The following EYS variants were observed in gnomAD, a reference collection of about 807,000 sequenced individuals.
The protein encoded by EYS is protein eyes shut homolog.
A neutral mutation model predicts 282.1 loss-of-function variants in EYS; 250 were observed. The observed-to-expected ratio is 0.89, with a 90% confidence interval of 0.80 to 0.98. EYS has a LOEUF of 0.98. Ranked by LOEUF, EYS falls within the 50% of genes least tolerant of loss-of-function variation. The probability of loss-of-function intolerance (pLI) is 0.00; values close to 1 mark genes in which losing one functional copy is unlikely to be tolerated. For missense variants in EYS, 4,016 were observed against 3,709.0 expected (o/e 1.08, Z -2.15); for synonymous variants, 1,355 against 1,282.9 (o/e 1.06, Z -1.20).
intron 29 of EYS, among the ~76,000 whole-genome samples, chr6:64,318,028 G>A (rs1256706074): frequency 1.4e-5 from 2 of 142,990 alleles, no homozygotes; most frequent in Non-Finnish European, 2.9e-5. Flanking sequence ...GGGCTTGTCA[G>A]GGGGTGGGGG....
intron 22 of EYS, among the ~76,000 whole-genome samples, chr6:64,766,649 A>AAAAAAAT (rs1387919586): frequency 1.6e-4 from 3 of 19,064 alleles, no homozygotes; most frequent in African/African-American, 5.5e-4. Context: ...AAAAAAAAAA[A>AAAAAAAT]ATATATATAT....
intron 12 of EYS, among the ~76,000 whole-genome samples, chr6:65,210,806 G>C (rs1470658090): frequency 6.6e-6 from 1 of 151,814 alleles, no homozygotes; most frequent in Non-Finnish European, 1.5e-5. Flanking sequence ...AAATTTCTCA[G>C]TGTTAAGTTT....
intron 2 of EYS, among the ~76,000 whole-genome samples, chr6:65,523,863 T>G (rs189311838): frequency 2.0e-5 from 3 of 152,206 alleles, no homozygotes; most frequent in African/African-American, 7.2e-5. Flanking sequence ...ACAGCCAACG[T>G]GGAATAAAAG....
intron 12 of EYS, among the ~76,000 whole-genome samples, chr6:65,285,301 G>A (rs1489069550): frequency 6.6e-6 from 1 of 151,718 alleles, no homozygotes; most frequent in Non-Finnish European, 1.5e-5. Flanking sequence ...TATTTTCCAT[G>A]GAATTTAAAT....
intron 2 of EYS, among the ~76,000 whole-genome samples, chr6:65,614,699 T>C (rs1766122818): frequency 6.6e-6 from 1 of 151,908 alleles, no homozygotes. Context: ...GTTGCATCAA[T>C]TACAGCAAAT....
intron 26 of EYS, among the ~76,000 whole-genome samples, chr6:64,566,291 C>A (rs901703506): frequency 6.6e-6 from 1 of 152,098 alleles, no homozygotes; most frequent in African/African-American, 2.4e-5. Context: ...AAAATTGACA[C>A]CCTGGGAGCA....
chr6:64,425,458 C>T (rs1434777431), intron 28 of EYS, among the ~76,000 whole-genome samples: 2 of 151,878 alleles, frequency 1.3e-5, no homozygotes, highest in Non-Finnish European at 2.9e-5. Context: ...AGTTTGAGAC[C>T]AGACTGGCCC....
At chr6:64,388,465 A>C (rs1772982675) in intron 29 of EYS, among the ~76,000 whole-genome samples, 1 of 152,188 alleles carries the variant, frequency 6.6e-6, no homozygotes, top group Non-Finnish European at 1.5e-5. Context: ...AAACAGACTG[A>C]CATTGGAGCA....
At chr6:63,810,215 C>T (rs1486476643) in intron 36 of EYS, among the ~76,000 whole-genome samples, 2 of 149,040 alleles carry the variant, frequency 1.3e-5, no homozygotes, top group Admixed American at 6.7e-5. Flanking sequence ...GAGCCGAGAT[C>T]GCGCCACTGC....
At chr6:64,807,687 C>A (rs1360410079) in intron 22 of EYS, among the ~76,000 whole-genome samples, 4 of 151,910 alleles carry the variant, frequency 2.6e-5, no homozygotes, top group Non-Finnish European at 2.9e-5. Flanking sequence ...ACATACATTA[C>A]TAAAAATAAG....
At chr6:65,274,150 C>T (rs1767978042) in intron 12 of EYS, among the ~76,000 whole-genome samples, 1 of 152,154 alleles carries the variant, frequency 6.6e-6, no homozygotes, top group African/African-American at 2.4e-5. Flanking sequence ...CAGCAGCTGA[C>T]TTGTGGAGTG....
rs564837331 is a variant in EYS, at chr6:64,749,425, G to T, written c.3443+63953C>A. Among the ~76,000 whole-genome samples the T allele has an allele frequency of 2.0e-5, 3 of 152,264 alleles. 1 individual carries two copies. In the South Asian group the frequency reaches 6.2e-4, roughly 32 times the overall value. On this transcript the variant is annotated intron_variant, in intron 22 of 42. Transcript: ENST00000503581. ...CTACTTAGATTGTTTTGTTGAGTCA[G>T]ATTAGGGCCCACTTGTTTAAGGCAT... is the stretch of plus-strand genomic sequence containing the variant.
chr6:64,533,004 T>C (rs1309193056), intron 26 of EYS, among the ~76,000 whole-genome samples: 1 of 152,122 alleles, frequency 6.6e-6, no homozygotes, highest in Non-Finnish European at 1.5e-5. Context: ...ACAAGGTATG[T>C]CAACAGAGAT....
chr6:64,827,366 T>C (rs544799220), intron 19 of EYS, among the ~76,000 whole-genome samples: 19 of 151,996 alleles, frequency 1.3e-4, no homozygotes, highest in African/African-American at 4.6e-4. Flanking sequence ...TTAGGGTTTA[T>C]TTATTTGAAT....
chr6:65,307,070 C>T (rs143907764), intron 11 of EYS, among the ~76,000 whole-genome samples: 17,975 of 112,198 alleles, frequency 0.16, 1,318 homozygotes, highest in Middle Eastern at 0.21. Flanking sequence ...CAGGGTGGTC[C>T]GCAATGCCTC....
At chr6:65,108,742 G>A (rs192167814) in intron 12 of EYS, among the ~76,000 whole-genome samples, 1 of 152,176 alleles carries the variant, frequency 6.6e-6, no homozygotes, top group African/African-American at 2.4e-5. Flanking sequence ...CATTAAATTT[G>A]GGAAAGTCCA....
chr6:64,153,314 A>G (rs1009147569), intron 31 of EYS, among the ~76,000 whole-genome samples: 4 of 152,176 alleles, frequency 2.6e-5, no homozygotes, highest in Non-Finnish European at 4.4e-5. Context: ...GTAGATCACA[A>G]TGAACAATGA....
At chr6:64,738,948 A>T (rs4710490) in intron 22 of EYS, among the ~76,000 whole-genome samples, 102,992 of 151,990 alleles carry the variant, frequency 0.68, 37,196 homozygotes, top group Non-Finnish European at 0.8. Context: ...AATTTTAACC[A>T]TGTTGGCCAG....
chr6:65,687,919 G>A (rs987617984), intron 1 of EYS, among the ~76,000 whole-genome samples: 3 of 151,986 alleles, frequency 2.0e-5, no homozygotes, highest in African/African-American at 4.8e-5. Flanking sequence ...ACCACTGCTA[G>A]ATGAAATAAA....
Sources: allele counts gnomAD v4.1 joint callset (sites outside exome capture counted in the v4.1 genomes callset), GRCh38; gene constraint gnomAD v4.1.1; transcripts MANE v1.5; gene names NCBI Gene and HGNC (gene_info 2026-07-23, HGNC 2026-07-21).